The following SLC44A5 variants were observed in gnomAD, a reference collection of about 807,000 sequenced individuals.
SLC44A5 encodes choline transporter-like protein 5.
In SLC44A5, 57 loss-of-function variants were observed where a neutral mutation model predicts 101.8. The observed-to-expected ratio is 0.56, with a 90% CI of 0.45 to 0.70. The LOEUF is 0.70. Ranked by LOEUF, SLC44A5 falls within the 30% of genes least tolerant of loss-of-function variation. SLC44A5 has a pLI of 0.00. For missense variants in SLC44A5, 737 were observed against 853.1 expected, an observed-to-expected ratio of 0.86 and a Z score of 1.70; for synonymous variants, 281 against 290.9, an observed-to-expected ratio of 0.97 and a Z score of 0.35.
rs542457259 is a variant in SLC44A5, at chr1:75,480,289, C to T, written c.13+61146G>A. Among the ~76,000 whole-genome samples the T allele has an allele frequency of 1.9e-3, 292 of 152,256 alleles. 1 individual carries two copies. Among genetic ancestry groups the T allele is most frequent in the African/African-American group, 6.5e-3 (272 of 41,558 alleles). On this transcript the variant is annotated intron_variant, in intron 2 of 23. Coordinates refer to ENST00000370859, the MANE Select transcript of SLC44A5 (RefSeq NM_001130058.2). ...GAGCTATCTATGACAAACCCACAGC[C>T]AATATCATACTGAATGGGAAAAAAC...
In SLC44A5 at chr1:75,300,839, T is replaced by C. The variant is rs142643891; in HGVS notation, c.102-154A>G. 5.2e-3 allele frequency among the ~76,000 whole-genome samples: 798 copies of C among 152,306 alleles called. 7 individuals are homozygous for C. Among genetic ancestry groups the C allele is most frequent in the African/African-American group, 0.018 (735 of 41,574 alleles). ...CAATAATTTTGAAAGGTAGATCAGA[T>C]GTATTTCTGCAAAGACATTAGCAGC... On this transcript the variant is annotated intron_variant, in intron 4 of 23. Transcript: ENST00000370859.
At chr1:75,281,336 G>A (rs909356609) in intron 5 of SLC44A5, among the ~76,000 whole-genome samples, 2 of 152,094 alleles carry the variant, frequency 1.3e-5, no homozygotes, top group Admixed American at 1.3e-4. Context: ...TTGAACTTGA[G>A]AGAGATGATT....
At chr1:75,215,348 C>G (rs1025664554) in intron 19 of SLC44A5, among the ~76,000 whole-genome samples, 1 of 152,038 alleles carries the variant, frequency 6.6e-6, no homozygotes, top group Admixed American at 6.6e-5. Flanking sequence ...CATTTCAACA[C>G]AAGATTCATA....
At chr1:75,480,732 C>T (rs552080329) in intron 2 of SLC44A5, among the ~76,000 whole-genome samples, 1 of 151,946 alleles carries the variant, frequency 6.6e-6, no homozygotes, top group Non-Finnish European at 1.5e-5. Flanking sequence ...AACTACAAAC[C>T]ACTGCTCAAT....
In SLC44A5 at chr1:75,299,176, T is replaced by C. The variant is rs542702786; in HGVS notation, c.175+1436A>G. ...TATTTACTCTAGAGATTACATATTG[T>C]ACTACAACTTCATTAATGTTTAGAA... On this transcript the variant is annotated intron_variant, in intron 5 of 23. Transcript: ENST00000370859. Among the ~76,000 whole-genome samples the C allele has an allele frequency of 3.4e-3, 516 of 152,338 alleles. 2 individuals are homozygous for C. Among genetic ancestry groups the C allele is most frequent in the African/African-American group, 0.012 (498 of 41,584 alleles).
the SLC44A5 span, among the ~76,000 whole-genome samples, chr1:75,672,592 G>C: frequency 6.6e-6 from 1 of 152,176 alleles, no homozygotes; most frequent in Non-Finnish European, 1.5e-5. Context: ...TACTTGAAGT[G>C]CATGCAACCT....
the SLC44A5 span, among the ~76,000 whole-genome samples, chr1:75,642,619 T>C: frequency 6.6e-6 from 1 of 152,150 alleles, no homozygotes; most frequent in Non-Finnish European, 1.5e-5. Context: ...TATATCCTAA[T>C]GTTTTAAGTG....
chr1:75,667,643 C>G, the SLC44A5 span, among the ~76,000 whole-genome samples: 1 of 152,072 alleles, frequency 6.6e-6, no homozygotes, highest in Admixed American at 6.6e-5. Flanking sequence ...TAGTACTAAC[C>G]CTATTTTACA....
intron 1 of SLC44A5, among the ~76,000 whole-genome samples, chr1:75,585,953 C>A (rs1019070497): frequency 7.2e-5 from 11 of 152,092 alleles, no homozygotes; most frequent in Non-Finnish European, 1.3e-4. Context: ...CTTTGAGAAC[C>A]ACTACCTAAC....
chr1:75,586,474 T>A lies in SLC44A5; in HGVS notation c.-70+24566A>T, dbSNP rs567137612. ...ATTTAAGAAATTATATATATATATATAAAATTTAAAATGACAGGCAGAAAA... is the reference window on the plus strand; with the variant it reads ...ATTTAAGAAATTATATATATATATAAAAAATTTAAAATGACAGGCAGAAAA... On this transcript the variant is annotated intron_variant, in intron 1 of 23. Coordinates refer to ENST00000370859, the MANE Select transcript of SLC44A5 (RefSeq NM_001130058.2). 3.4e-5 allele frequency among the ~76,000 whole-genome samples: 5 copies of A among 146,404 alleles called. No individual in the cohort carries two copies. In the South Asian group the frequency reaches 1.1e-3, roughly 31 times the overall value.
chr1:75,540,300 G>A (rs145830433), intron 2 of SLC44A5, among the ~76,000 whole-genome samples: 1 of 152,136 alleles, frequency 6.6e-6, no homozygotes, highest in Non-Finnish European at 1.5e-5. Context: ...AAAACAATCT[G>A]CTATAGGCGA....
chr1:75,385,579 C>G (rs1429542744), intron 3 of SLC44A5, among the ~76,000 whole-genome samples: 1 of 152,076 alleles, frequency 6.6e-6, no homozygotes, highest in African/African-American at 2.4e-5. Context: ...GCTTACCGAC[C>G]AAAAAGAATC....
the SLC44A5 span, among the ~76,000 whole-genome samples, chr1:75,616,469 C>G: frequency 1.3e-5 from 2 of 152,202 alleles, no homozygotes; most frequent in Non-Finnish European, 2.9e-5. Context: ...TCGAAGCCCC[C>G]TCTCAAAAGG....
chr1:75,329,271 T>C (rs1158336350), intron 4 of SLC44A5, among the ~76,000 whole-genome samples: 4 of 152,206 alleles, frequency 2.6e-5, no homozygotes, highest in Non-Finnish European at 5.9e-5. Flanking sequence ...TCACAGACGC[T>C]GATCACTAGA....
chr1:75,613,493 G>A (rs1029532344), upstream of SLC44A5, among the ~76,000 whole-genome samples: 5 of 152,278 alleles, frequency 3.3e-5, no homozygotes, highest in Middle Eastern at 3.4e-3. Context: ...ATCCTGCTTC[G>A]CTAAAGTGAA....
the SLC44A5 span, among the ~76,000 whole-genome samples, chr1:75,620,865 T>C: frequency 5.6e-4 from 86 of 152,220 alleles, no homozygotes; most frequent in Admixed American, 5.6e-3. Context: ...TTGGCTTTTG[T>C]TGCCACCATT....
chr1:75,352,953 GATC>G (rs370079081), intron 3 of SLC44A5, among the ~76,000 whole-genome samples: 21 of 152,104 alleles, frequency 1.4e-4, no homozygotes, highest in Admixed American at 4.6e-4. Context: ...AGAATTTCAT[GATC>G]ATCATTTATT....
At chr1:75,687,705 C>G in the SLC44A5 span, among the ~76,000 whole-genome samples, 1 of 152,186 alleles carries the variant, frequency 6.6e-6, no homozygotes, top group Non-Finnish European at 1.5e-5. Context: ...CCAGGACACT[C>G]TCACTTCCCT....
intron 1 of SLC44A5, among the ~76,000 whole-genome samples, chr1:75,572,157 T>C (rs959376660): frequency 1.2e-4 from 19 of 152,088 alleles, no homozygotes. Context: ...ATGTAAGCCA[T>C]AAAGAAAACA....
Sources: gnomAD v4.1 joint callset for allele counts (sites outside exome capture counted in the v4.1 genomes callset) on GRCh38, gnomAD v4.1.1 for gene constraint, MANE v1.5 for transcripts, NCBI Gene and HGNC (gene_info 2026-07-23, HGNC 2026-07-21) for gene names.